The following UCHL5 variants were observed in gnomAD, a reference collection of about 807,000 sequenced individuals.
UCHL5 encodes the protein ubiquitin carboxyl-terminal hydrolase isozyme L5.
In UCHL5, 34 loss-of-function variants were observed where a neutral mutation model predicts 53.8. The observed-to-expected ratio is 0.63, with a 90% CI of 0.48 to 0.84. The LOEUF (loss-of-function observed/expected upper bound fraction) is 0.84, where lower values mean the gene tolerates loss of function less well. UCHL5 is among the 40% of genes least tolerant of loss of function. The pLI is 0.00. For synonymous variants in UCHL5, 111 were observed against 126.3 expected, an observed-to-expected ratio of 0.88 and a Z score of 0.81; for missense variants, 290 against 385.6, an observed-to-expected ratio of 0.75 and a Z score of 2.08.
At chr1:193,037,239 C>A (rs1249678097) in intron 3 of UCHL5, among the ~76,000 whole-genome samples, 1 of 151,532 alleles carries the variant, frequency 6.6e-6, no homozygotes, top group African/African-American at 2.4e-5. Flanking sequence ...AATTGACAAA[C>A]CTTTACCCAG....
chr1:193,043,150 T>TTTAAAAAAAAAAAAAAAAAA (rs1666174044), intron 3 of UCHL5, among the ~76,000 whole-genome samples: 1 of 6,572 alleles, frequency 1.5e-4, no homozygotes, highest in Non-Finnish European at 3.3e-4. Flanking sequence ...CTCTTGAATA[T>TTTAAAAAAAAAAAAAAAAAA]TAAAAAAAAA....
chr1:193,024,901 T>C (rs1459403415), intron 7 of UCHL5, among the ~76,000 whole-genome samples: 1 of 152,188 alleles, frequency 6.6e-6, no homozygotes, highest in Non-Finnish European at 1.5e-5. Flanking sequence ...TTTAAAACAC[T>C]GATTGTGGGA....
chr1:193,059,923 C>T (rs1672337052), upstream of UCHL5: 8 of 1,366,232 alleles, frequency 5.9e-6, no homozygotes, highest in Non-Finnish European at 7.8e-6. The surrounding 1 kb of genome is among the most constrained non-coding windows in gnomAD (Gnocchi z 4.9). Context: ...CCCCGTCCCG[C>T]TTCCGCGCCT....
At chr1:193,018,956 T>A in intron 10 of UCHL5, 1 of 599,306 alleles carries the variant, frequency 1.7e-6, no homozygotes, top group Non-Finnish European at 2.5e-6. Context: ...TAAAATCTAA[T>A]CTTTATTCTA....
At chr1:193,021,963 T>C (rs942357789) in intron 9 of UCHL5, among the ~76,000 whole-genome samples, 1 of 152,176 alleles carries the variant, frequency 6.6e-6, no homozygotes, top group African/African-American at 2.4e-5. Flanking sequence ...ATGGAAACTT[T>C]GTGTTGTATT....
At chr1:193,044,389 T>A (rs1409738023) in intron 3 of UCHL5, among the ~76,000 whole-genome samples, 1 of 152,118 alleles carries the variant, frequency 6.6e-6, no homozygotes, top group Non-Finnish European at 1.5e-5. Flanking sequence ...AGCAAGTAAA[T>A]CACACCTCAG....
rs1654708232 is a variant in UCHL5, at chr1:193,015,145, TAGTTCTAAGTCATTTAA to T, written c.*1189_*1205del. On this transcript the variant is annotated 3_prime_UTR_variant, in exon 11 of 11. Transcript: ENST00000367454. ...AATTTCCTATCAGGTTTTTCTCCAT[TAGTTCTAAGTCATTTAA>T]TACCACAATTACTAAGCTTAAAAAC... 1 of 152,044 alleles carries T rather than the reference TAGTTCTAAGTCATTTAA, an allele frequency of 6.6e-6. No homozygotes were observed. Among genetic ancestry groups the T allele is most frequent in the African/African-American group, 2.4e-5 (1 of 41,424 alleles). 9.4% of individuals were successfully genotyped at this position (152,044 alleles called of 1,614,324 possible). A position where few individuals can be genotyped will look rare whatever the true frequency, so the allele number is the denominator to read the frequency against.
At position 193,043,741 on chromosome 1, in the gene UCHL5, A is replaced by G. The variant is rs533586327; in HGVS notation, c.246+6005T>C. On this transcript the variant is annotated intron_variant, in intron 3 of 10. Transcript: ENST00000367454. ...AACCAGGTCTATGTGACCAAGGCCC[A>G]CTAAAAACTTTGGACACCAAGAATC... Among the ~76,000 whole-genome samples, 14 of 152,314 alleles carry G rather than the reference A, an allele frequency of 9.2e-5. No individual in the cohort carries two copies. The South Asian group carries it at 1.5e-3, about 16-fold the overall frequency.
At chr1:193,053,969 C>T (rs1410062457) in intron 1 of UCHL5, among the ~76,000 whole-genome samples, 1 of 148,990 alleles carries the variant, frequency 6.7e-6, no homozygotes, top group African/African-American at 2.5e-5. Flanking sequence ...ATATATAGAA[C>T]ATGTTCTGGA....
Position 193,015,466 on chromosome 1 carries a change from A to G in UCHL5, c.*885T>C, listed in dbSNP as rs1654751178. 1 of 152,070 alleles carries G rather than the reference A, an allele frequency of 6.6e-6. No homozygotes were observed. Among genetic ancestry groups the G allele is most frequent in the African/African-American group, 2.4e-5 (1 of 41,454 alleles). 9.4% of individuals were successfully genotyped at this position (152,070 alleles called of 1,614,324 possible). On this transcript the variant is annotated 3_prime_UTR_variant, in exon 11 of 11. Coordinates refer to ENST00000367454, the MANE Select transcript of UCHL5 (RefSeq NM_001199261.3). The stretch of plus-strand genomic sequence containing the variant: ...TAAAAATCAATTGTGAGCAAATTAC[A>G]TATGGCTCTTGAAAACTGCAGGCTG...
At chr1:193,059,490 C>T (rs771343075), upstream of UCHL5, 2 of 1,602,060 alleles carry the variant, frequency 1.2e-6, no homozygotes, top group African/African-American at 2.7e-5. This position sits in a 1 kb window ranked among gnomAD's most constrained non-coding sequence, Gnocchi z 4.9. Context: ...TTGCAGCACC[C>T]GTAGCGGATT....
chr1:193,013,245 A>G lies in UCHL5; in HGVS notation c.*3106T>C, dbSNP rs1654412275. The G allele has an allele frequency of 6.6e-6, 1 of 152,174 alleles. No individual in the cohort carries two copies. Among genetic ancestry groups the G allele is most frequent in the Non-Finnish European group, 1.5e-5 (1 of 68,022 alleles). The allele number at this position is 152,174 out of a possible 1,614,324, so 9.4% of individuals were successfully genotyped here. On this transcript the variant is annotated 3_prime_UTR_variant, in exon 11 of 11. Coordinates refer to ENST00000367454, the MANE Select transcript of UCHL5 (RefSeq NM_001199261.3). ...TGCAAAAGTGAGCAGTTCCCTAGGT[A>G]CACCAATACTGTATGTTTGGATGGG...
intron 10 of UCHL5, among the ~76,000 whole-genome samples, chr1:193,017,433 G>A (rs1039363916): frequency 9.9e-5 from 15 of 151,634 alleles, no homozygotes; most frequent in African/African-American, 3.6e-4. Context: ...ATGAATAAGA[G>A]CAAATAGTCT....
At chr1:193,056,787 TGGGTG>T (rs1670756380) in intron 1 of UCHL5, among the ~76,000 whole-genome samples, 2 of 152,322 alleles carry the variant, frequency 1.3e-5, no homozygotes, top group African/African-American at 4.8e-5. Flanking sequence ...ATCTATAAAT[TGGGTG>T]AAAAAATGAA....
intron 1 of UCHL5, among the ~76,000 whole-genome samples, chr1:193,055,766 G>GTT (rs1297475350): frequency 1.3e-5 from 2 of 152,148 alleles, no homozygotes; most frequent in Non-Finnish European, 2.9e-5. Flanking sequence ...TTCACTTAAT[G>GTT]AATTACTAAA....
chr1:193,055,582 T>C (rs1325704987), intron 1 of UCHL5, among the ~76,000 whole-genome samples: 2 of 152,258 alleles, frequency 1.3e-5, no homozygotes, highest in Non-Finnish European at 2.9e-5. Context: ...GGATAAAATC[T>C]AACACTTAAT....
intron 1 of UCHL5, among the ~76,000 whole-genome samples, chr1:193,058,064 TA>T (rs541080246): frequency 2.5e-3 from 364 of 142,924 alleles, no homozygotes; most frequent in Middle Eastern, 0.011. Context: ...CTGTCTCTAC[TA>T]AAAAAAAAAA....
At chr1:193,018,078 T>C (rs995844659) in intron 10 of UCHL5, among the ~76,000 whole-genome samples, 5 of 151,586 alleles carry the variant, frequency 3.3e-5, no homozygotes, top group Non-Finnish European at 5.9e-5. Context: ...TCAAATCAGA[T>C]AATTCTGCAT....
chr1:193,025,474 C>T (rs923822911), intron 7 of UCHL5, among the ~76,000 whole-genome samples: 2 of 152,330 alleles, frequency 1.3e-5, no homozygotes, highest in South Asian at 2.1e-4. Context: ...CACTGCCATC[C>T]AGTGGCAAAG....
Sources: allele counts gnomAD v4.1 joint callset (sites outside exome capture counted in the v4.1 genomes callset), GRCh38; gene constraint gnomAD v4.1.1; non-coding constraint Gnocchi (gnomAD v3.1); transcripts MANE v1.5; gene names NCBI Gene and HGNC (gene_info 2026-07-23, HGNC 2026-07-21).